RCAN3: variants seen among roughly 807,000 people sequenced by gnomAD.
RCAN3 encodes the protein calcipressin-3.
Under a neutral mutation model 21.9 loss-of-function variants are expected in RCAN3, and 19 were observed. The observed-to-expected ratio is 0.87, with a 90% CI of 0.61 to 1.27. RCAN3 has a LOEUF of 1.27. Ranked by LOEUF, RCAN3 falls within the 50% of genes most tolerant of loss-of-function variation. The pLI, the probability that RCAN3 is intolerant of heterozygous loss-of-function variation, is 0.00. For synonymous variants in RCAN3, 114 were observed against 112.3 expected (o/e 1.01, Z -0.09); for missense variants, 240 against 300.1 (o/e 0.80, Z 1.48).
At position 24,521,745 on chromosome 1, in the gene RCAN3, G is replaced by A. The variant is rs535324353; in HGVS notation, c.195+7178G>A. ...CGCCTGTAGTCCCAGCTACTCGGGAGGCTGAGGCAGGAGAATCGCTTGAAC... is the reference window on the plus strand; with the variant it reads ...CGCCTGTAGTCCCAGCTACTCGGGAAGCTGAGGCAGGAGAATCGCTTGAAC... On this transcript the variant is annotated intron_variant, in intron 2 of 4. Transcript: ENST00000374395. 2.6e-5 allele frequency among the ~76,000 whole-genome samples: 4 copies of A among 152,308 alleles called. No individual in the cohort carries two copies. In the South Asian group the frequency reaches 8.3e-4, roughly 32 times the overall value.
chr1:24,532,229 TA>T (rs1570484509), intron 3 of RCAN3, among the ~76,000 whole-genome samples: 1 of 151,892 alleles, frequency 6.6e-6, no homozygotes, highest in Admixed American at 6.6e-5. Context: ...TTATTATTTT[TA>T]TTTTTTTATT....
rs1650161845 is a variant in RCAN3 at position 24,535,408 on chromosome 1, C to T, written c.*131C>T. The stretch of plus-strand genomic sequence containing the variant: ...GAGTGAGGTATAGGTCTTCTCACCA[C>T]GCCTGTACTGCAGACACGGTCGTGT... On this transcript the variant is annotated 3_prime_UTR_variant, in exon 5 of 5. Coordinates refer to ENST00000374395, the MANE Select transcript of RCAN3 (RefSeq NM_013441.4). The T allele has an allele frequency of 5.3e-6, 5 of 938,862 alleles. No individual in the cohort carries two copies. Among genetic ancestry groups the T allele is most frequent in the East Asian group, 3.2e-5 (1 of 31,134 alleles). 58.2% of individuals were successfully genotyped at this position (938,862 alleles called of 1,614,324 possible).
At chr1:24,504,365 A>G (rs1647285620) in intron 1 of RCAN3, among the ~76,000 whole-genome samples, 1 of 152,088 alleles carries the variant, frequency 6.6e-6, no homozygotes, top group African/African-American at 2.4e-5. Flanking sequence ...ATTGGGTGTC[A>G]CTATGTTGCC....
At chr1:24,511,035 C>T (rs577185568) in intron 1 of RCAN3, among the ~76,000 whole-genome samples, 2 of 152,188 alleles carry the variant, frequency 1.3e-5, no homozygotes, top group East Asian at 3.9e-4. Flanking sequence ...CACCCATGGC[C>T]GGGCGTGGTG....
chr1:24,506,684 T>C (rs537511168), intron 1 of RCAN3, among the ~76,000 whole-genome samples: 2 of 139,954 alleles, frequency 1.4e-5, no homozygotes, highest in African/African-American at 5.8e-5. Context: ...TGTTTGAAGT[T>C]ATATCAAAAA....
chr1:24,504,008 A>T (rs114881143), intron 1 of RCAN3, among the ~76,000 whole-genome samples: 1 of 152,256 alleles, frequency 6.6e-6, no homozygotes, highest in Non-Finnish European at 1.5e-5. Context: ...CACATAATTC[A>T]GGAGCCAGAT....
chr1:24,505,888 G>T lies in RCAN3; in HGVS notation c.-60+2738G>T, dbSNP rs540671012. Among the ~76,000 whole-genome samples the T allele has an allele frequency of 7.7e-4, 118 of 152,258 alleles. 1 individual carries two copies. Among genetic ancestry groups the T allele is most frequent in the Middle Eastern group, 6.8e-3 (2 of 294 alleles). Reference sequence around the variant, plus strand: ...GAGGAGAAAGAATTTGCGTTTTCCTGATCAGAACAGAAAATGCAAGATCCA... The same window carrying T: ...GAGGAGAAAGAATTTGCGTTTTCCTTATCAGAACAGAAAATGCAAGATCCA... On this transcript the variant is annotated intron_variant, in intron 1 of 4. Transcript: ENST00000374395.
chr1:24,533,040 A>G, intron 3 of RCAN3, 43 bp from the exon 4 acceptor site: 1 of 1,348,288 alleles, frequency 7.4e-7, no homozygotes, highest in Non-Finnish European at 9.6e-7. Context: ...AAGAAAACAT[A>G]GCCCGGTTTG....
intron 1 of RCAN3, among the ~76,000 whole-genome samples, chr1:24,506,288 A>C (rs952000588): frequency 2.0e-5 from 3 of 152,240 alleles, no homozygotes; most frequent in African/African-American, 7.2e-5. Context: ...AAAGAAATAT[A>C]GATATCTTGG....
At chr1:24,532,356 A>G (rs576227517) in intron 3 of RCAN3, among the ~76,000 whole-genome samples, 1 of 152,082 alleles carries the variant, frequency 6.6e-6, no homozygotes, top group Admixed American at 6.5e-5. Flanking sequence ...CCTCCCAAGT[A>G]GCTGGGACTA....
intron 3 of RCAN3, among the ~76,000 whole-genome samples, chr1:24,532,471 C>T (rs1409155245): frequency 6.6e-6 from 1 of 151,820 alleles, no homozygotes; most frequent in Non-Finnish European, 1.5e-5. Flanking sequence ...AGGTGACCCA[C>T]CCGCCTCGGC....
chr1:24,520,542 T>C (rs1024830517), intron 2 of RCAN3, among the ~76,000 whole-genome samples: 1 of 152,106 alleles, frequency 6.6e-6, no homozygotes, highest in African/African-American at 2.4e-5. Flanking sequence ...GGGACATAGA[T>C]GAAACTGGAA....
At chr1:24,511,036 G>A (rs545224025) in intron 1 of RCAN3, among the ~76,000 whole-genome samples, 5 of 152,232 alleles carry the variant, frequency 3.3e-5, no homozygotes, top group South Asian at 4.1e-4. Context: ...ACCCATGGCC[G>A]GGCGTGGTGG....
At position 24,539,969 on chromosome 1, in the gene RCAN3, T is replaced by C. The variant is rs575467402; in HGVS notation, c.*4692T>C. The C allele has an allele frequency of 6.6e-6, 1 of 152,350 alleles. No homozygotes were observed. Among genetic ancestry groups the C allele is most frequent in the Non-Finnish European group, 1.5e-5 (1 of 68,040 alleles). The allele number at this position is 152,350 out of a possible 1,614,324, so 9.4% of individuals were successfully genotyped here. Reference sequence around the variant, plus strand: ...CTTCCTAGCTGGAGCTGTAAGTCCATGTTACAGAAACTCACTATTTAAAAA... The same window carrying C: ...CTTCCTAGCTGGAGCTGTAAGTCCACGTTACAGAAACTCACTATTTAAAAA... On this transcript the variant is annotated 3_prime_UTR_variant, in exon 5 of 5. Coordinates refer to ENST00000374395, the MANE Select transcript of RCAN3 (RefSeq NM_013441.4).
intron 2 of RCAN3, among the ~76,000 whole-genome samples, chr1:24,516,980 CTTG>C (rs770222217): frequency 9.3e-4 from 142 of 151,974 alleles, no homozygotes; most frequent in Admixed American, 2.0e-3. Flanking sequence ...ATAAGTTAAC[CTTG>C]TTGTTTATTG....
At chr1:24,520,210 T>C (rs192590957) in intron 2 of RCAN3, among the ~76,000 whole-genome samples, 7 of 152,336 alleles carry the variant, frequency 4.6e-5, no homozygotes, top group Non-Finnish European at 2.9e-5. Context: ...CATCCTAAGG[T>C]TTCACTAAGT....
chr1:24,524,297 A>G (rs545799706), intron 2 of RCAN3, among the ~76,000 whole-genome samples: 10 of 152,314 alleles, frequency 6.6e-5, no homozygotes, highest in Non-Finnish European at 1.2e-4. Context: ...ATAAAAATCC[A>G]TCTTGAATAG....
intron 2 of RCAN3, among the ~76,000 whole-genome samples, chr1:24,529,363 C>T (rs984998580): frequency 7.3e-5 from 11 of 150,246 alleles, no homozygotes; most frequent in Non-Finnish European, 1.3e-4. Flanking sequence ...GACCAGCCTG[C>T]GCAACATAGC....
Position 24,525,192 on chromosome 1 carries a change from A to C in RCAN3, c.196-6026A>C, listed in dbSNP as rs1428827884. Among the ~76,000 whole-genome samples the C allele has an allele frequency of 6.6e-6, 1 of 152,124 alleles. No individual in the cohort carries two copies. The highest frequency in any genetic ancestry group is 2.4e-5 in the African/African-American group (1 of 41,426). On this transcript the variant is annotated intron_variant, in intron 2 of 4. Transcript: ENST00000374395. The surrounding 1 kb of genome is among the most constrained non-coding windows in gnomAD (Gnocchi z 4.1). ...GTTGCTCCTTGAAACTGACCTTCCC[A>C]TATGGCCTTTTCCACTTTTCTCCTT...
Sources: allele counts gnomAD v4.1 joint callset (sites outside exome capture counted in the v4.1 genomes callset), GRCh38; gene constraint gnomAD v4.1.1; non-coding constraint Gnocchi (gnomAD v3.1); transcripts MANE v1.5; gene names NCBI Gene and HGNC (gene_info 2026-07-23, HGNC 2026-07-21).